The following MALRD1 variants were observed in gnomAD, a reference collection of about 807,000 sequenced individuals.
The protein encoded by MALRD1 is MAM and LDL receptor class A domain containing 1.
MALRD1 carries 247 observed loss-of-function variants against 242.1 expected under a neutral mutation model. The observed-to-expected ratio is 1.02, with a 90% CI of 0.92 to 1.13. The LOEUF is 1.13. Among genes scored for constraint, MALRD1 ranks in the 50% most tolerant of loss-of-function variants. The probability of loss-of-function intolerance (pLI) is 0.00; values close to 1 mark genes in which losing one functional copy is unlikely to be tolerated. For synonymous variants in MALRD1, 995 were observed against 866.6 expected (o/e 1.15, Z -2.60); for missense variants, 2,989 against 2,533.1 (o/e 1.18, Z -3.86).
rs187059378 is a variant in MALRD1, at chr10:19,169,264, C to T, written c.1830+3454C>T. On this transcript the variant is annotated intron_variant, in intron 13 of 39. Transcript: ENST00000454679. ...TATTCACATTTCAAAACTCATCTGA[C>T]CCCAAAGACTTTAGATAAGGAACTG... 4.4e-4 allele frequency among the ~76,000 whole-genome samples: 67 copies of T among 152,120 alleles called. 1 individual carries two copies. The South Asian group carries it at 0.011, about 25-fold the overall frequency.
intron 36 of MALRD1, among the ~76,000 whole-genome samples, chr10:19,639,117 G>C (rs1840273304): frequency 6.6e-6 from 1 of 151,874 alleles, no homozygotes. Flanking sequence ...AACACATATG[G>C]GTTTAAAAAT....
chr10:19,236,110 T>C (rs1383353284), intron 18 of MALRD1, among the ~76,000 whole-genome samples: 1 of 152,192 alleles, frequency 6.6e-6, no homozygotes, highest in Admixed American at 6.5e-5. Context: ...GCATCTGTTA[T>C]TTTATGAATA....
Position 19,204,993 on chromosome 10 carries a change from A to G in MALRD1, c.2306A>G (p.Asn769Ser). 6.4e-7 allele frequency: 1 copy of G among 1,550,878 alleles called. No individual in the cohort carries two copies. Among genetic ancestry groups the G allele is most frequent in the African/African-American group, 1.4e-5 (1 of 73,172 alleles). ...ACAGTGATTTGGAGAGTATTATACA[A>G]TCAGGGCAAACAATGGTTGGAGGCA... ...DSTVIWRVLY[N>S]QGKQWLEATI... The change falls in exon 17 of 40, where the codon AAT becomes AGT. Residue 769 changes from asparagine (N) to serine (S), a missense_variant. Physicochemically the swap from Asn to Ser is conservative, Grantham distance 46 (BLOSUM62 1). Transcript: ENST00000454679.
At chr10:19,255,194 G>A (rs1362898735) in intron 18 of MALRD1, among the ~76,000 whole-genome samples, 1 of 151,984 alleles carries the variant, frequency 6.6e-6, no homozygotes, top group Non-Finnish European at 1.5e-5. Flanking sequence ...GTACAGATAA[G>A]GCAGGTCATT....
intron 36 of MALRD1, among the ~76,000 whole-genome samples, chr10:19,655,877 C>T (rs1841133386): frequency 6.6e-6 from 1 of 152,002 alleles, no homozygotes; most frequent in South Asian, 2.1e-4. Flanking sequence ...GGGTCTGATG[C>T]CATCTAGCTG....
intron 21 of MALRD1, among the ~76,000 whole-genome samples, chr10:19,307,172 G>A (rs1842248383): frequency 6.6e-6 from 1 of 151,502 alleles, no homozygotes; most frequent in South Asian, 2.1e-4. Flanking sequence ...TTGTGCAAAA[G>A]TGGGTACCCA....
chr10:19,350,420 A>G (rs1239496013), intron 25 of MALRD1, among the ~76,000 whole-genome samples: 2 of 151,664 alleles, frequency 1.3e-5, no homozygotes, highest in African/African-American at 4.8e-5. Flanking sequence ...GCAGTCGCAC[A>G]CCACCACTCC....
intron 13 of MALRD1, among the ~76,000 whole-genome samples, chr10:19,171,034 G>T (rs1377878334): frequency 6.6e-6 from 1 of 150,936 alleles, no homozygotes; most frequent in African/African-American, 2.4e-5. Context: ...TATTTTTTTT[G>T]AAAACAAGAT....
intron 5 of MALRD1, among the ~76,000 whole-genome samples, chr10:19,106,853 A>G (rs1471383929): frequency 1.3e-5 from 2 of 151,938 alleles, no homozygotes; most frequent in East Asian, 3.8e-4. Flanking sequence ...GTCTCAAGGA[A>G]TATTTAAATG....
chr10:19,351,336 G>C (rs966969504), intron 25 of MALRD1, among the ~76,000 whole-genome samples: 3 of 152,044 alleles, frequency 2.0e-5, no homozygotes, highest in Non-Finnish European at 4.4e-5. Context: ...TCAAAATCTA[G>C]TAAATTTCAT....
At chr10:19,325,130 C>T (rs1368874978) in intron 22 of MALRD1, among the ~76,000 whole-genome samples, 2 of 148,644 alleles carry the variant, frequency 1.3e-5, no homozygotes, top group Non-Finnish European at 3.0e-5. Flanking sequence ...AAAAAATTCT[C>T]ATCCCTCTAT....
chr10:19,624,693 C>A (rs2131632141), intron 36 of MALRD1, among the ~76,000 whole-genome samples: 1 of 151,898 alleles, frequency 6.6e-6, no homozygotes, highest in Non-Finnish European at 1.5e-5. Context: ...TAGTGAAACC[C>A]CATCTCTACT....
chr10:19,419,151 C>T (rs953660653), intron 28 of MALRD1, among the ~76,000 whole-genome samples: 13 of 152,146 alleles, frequency 8.5e-5, no homozygotes, highest in South Asian at 2.1e-4. Context: ...ATACCCTTGT[C>T]TTTTAATACC....
chr10:19,189,020 G>A (rs892554995), intron 14 of MALRD1, among the ~76,000 whole-genome samples: 12 of 151,946 alleles, frequency 7.9e-5, no homozygotes, highest in South Asian at 4.2e-4. Flanking sequence ...AACCTTTAAC[G>A]AAATGGACCT....
At chr10:19,133,694 A>G (rs1185017245) in intron 8 of MALRD1, among the ~76,000 whole-genome samples, 162 bp from the exon 9 acceptor site, 2 of 152,144 alleles carry the variant, frequency 1.3e-5, no homozygotes, top group Non-Finnish European at 2.9e-5. Flanking sequence ...TTTTTTAATG[A>G]TATTCAGCTT....
intron 32 of MALRD1, among the ~76,000 whole-genome samples, chr10:19,538,479 T>C (rs1213792502): frequency 6.6e-6 from 1 of 152,168 alleles, no homozygotes; most frequent in Non-Finnish European, 1.5e-5. Flanking sequence ...CTCTTTAAAA[T>C]GATGGTGGTC....
chr10:19,309,885 A>G (rs1842358014), intron 21 of MALRD1, among the ~76,000 whole-genome samples: 2 of 151,518 alleles, frequency 1.3e-5, no homozygotes, highest in African/African-American at 4.8e-5. Context: ...CAAAGACTAC[A>G]AAGGATTGAG....
At chr10:19,649,580 G>T (rs1217017042) in intron 36 of MALRD1, among the ~76,000 whole-genome samples, 1 of 152,050 alleles carries the variant, frequency 6.6e-6, no homozygotes, top group Non-Finnish European at 1.5e-5. Flanking sequence ...TAATGGAGTT[G>T]TTTTTCTCTT....
At chr10:19,434,139 C>G (rs1407991140) in intron 28 of MALRD1, among the ~76,000 whole-genome samples, 2 of 152,060 alleles carry the variant, frequency 1.3e-5, no homozygotes, top group Non-Finnish European at 2.9e-5. Flanking sequence ...CATATTGCCC[C>G]AAATCTTCAA....
Sources: gnomAD v4.1 joint callset for allele counts (sites outside exome capture counted in the v4.1 genomes callset) on GRCh38, gnomAD v4.1.1 for gene constraint, MANE v1.5 for transcripts, NCBI Gene and HGNC (gene_info 2026-07-23, HGNC 2026-07-21) for gene names.